The following DNAH1 variants were observed in gnomAD, a reference collection of about 807,000 sequenced individuals.
The protein encoded by DNAH1 is dynein axonemal heavy chain 1, also known as axonemal beta dynein heavy chain 1.
A neutral mutation model predicts 484.3 loss-of-function variants in DNAH1; 327 were observed. The observed-to-expected ratio is 0.68, with a 90% CI of 0.62 to 0.74. The LOEUF (loss-of-function observed/expected upper bound fraction) is 0.74. DNAH1 is among the 30% of genes least tolerant of loss of function. DNAH1 has a pLI of 0.00. For synonymous variants in DNAH1, 2,192 were observed against 2,191.9 expected, an observed-to-expected ratio of 1.00 and a Z score of 0.00; for missense variants, 5,052 against 5,546.8, an observed-to-expected ratio of 0.91 and a Z score of 2.83.
intron 75 of DNAH1, 32 bp downstream of exon 75, chr3:52,398,194 C>G (rs1195577992): frequency 6.3e-7 from 1 of 1,586,292 alleles, no homozygotes; most frequent in Non-Finnish European, 8.6e-7. Context: ...TGCCCCGAGT[C>G]AGCGGCCACT....
rs1008175467 is a variant in DNAH1, at chr3:52,338,116, T to A, written c.1286+5722T>A. On this transcript the variant is annotated intron_variant, in intron 8 of 77. Coordinates refer to ENST00000420323, the MANE Select transcript of DNAH1 (RefSeq NM_015512.5). The stretch of plus-strand genomic sequence containing the variant: ...GCTCTACTTAATTAATTAATTTATT[T>A]ATTTATTTTCGAGATGGAGTCTTGT... Among the ~76,000 whole-genome samples, 7 of 152,220 alleles carry A rather than the reference T, an allele frequency of 4.6e-5. No individual in the cohort carries two copies. The East Asian group carries it at 5.8e-4, about 13-fold the overall frequency.
In DNAH1 at chr3:52,361,886, T is replaced by C; in HGVS notation, c.4980+120T>C. 1 of 1,081,018 alleles carries C rather than the reference T, an allele frequency of 9.3e-7. No individual in the cohort carries two copies. Among genetic ancestry groups the C allele is most frequent in the South Asian group, 1.5e-5 (1 of 65,812 alleles). The allele number at this position is 1,081,018 out of a possible 1,614,324, so 67.0% of individuals were successfully genotyped here. A position where few individuals can be genotyped will look rare whatever the true frequency, so the allele number is the denominator to read the frequency against. On this transcript the variant is annotated intron_variant, in intron 30 of 77. Transcript: ENST00000420323. This position sits in a 1 kb window ranked among gnomAD's most constrained non-coding sequence, Gnocchi z 5.6. ...TCCACCCTGGGTCCAGCCTCTCTTG[T>C]CCCGGGGGCACACCCTAACCCCAGT...
chr3:52,336,909 C>T (rs552794305), intron 8 of DNAH1, among the ~76,000 whole-genome samples: 13 of 152,250 alleles, frequency 8.5e-5, no homozygotes, highest in African/African-American at 2.6e-4. Context: ...TTTGGCTATG[C>T]GGGCTCTTTT....
In DNAH1 at chr3:52,396,661, A is replaced by C. The variant is rs1212560932; in HGVS notation, c.11474A>C (p.His3825Pro). The change falls in exon 72 of 78, where the codon CAT becomes CCT. Residue 3825 changes from histidine (H) to proline (P), a missense_variant. His to Pro is a moderately conservative substitution (Grantham distance 77). Transcript: ENST00000420323. ...CTGCTGCTGTCTCTGTGCTTGTTCC[A>C]TGGGAACGCCCTGGAGCGCCGTAAG... ...KSLLLSLCLF[H>P]GNALERRKFG... The C allele has an allele frequency of 6.2e-7, 1 of 1,613,176 alleles. No homozygotes were observed. The highest frequency in any genetic ancestry group is 1.3e-5 in the African/African-American group (1 of 74,734).
In DNAH1 at chr3:52,399,027, G is replaced by A. The variant is rs755871676; in HGVS notation, c.12267G>A (p.Trp4089Ter). The change falls in exon 76 of 78, where the codon TGG becomes TGA. Residue 4089 changes from tryptophan (W) to a stop codon, truncating the protein, a stop_gained. Transcript: ENST00000420323. LOFTEE classifies it high-confidence loss of function. ...CATCGCTCAAGCCTCTGTCATCATG[G>A]GTCATGGACCTGCTGCAACGCCTGG... ...AYPSLKPLSSWVMDLLQRLDF... is the reference protein window; with the variant it reads ...AYPSLKPLSS 6.2e-7 allele frequency: 1 copy of A among 1,614,042 alleles called. No individual in the cohort carries two copies. Among genetic ancestry groups the A allele is most frequent in the African/African-American group, 1.3e-5 (1 of 75,050 alleles).
At chr3:52,399,436 T>C in intron 76 of DNAH1, 109 bp from the exon 77 acceptor site, 1 of 1,060,922 alleles carries the variant, frequency 9.4e-7, no homozygotes, top group Non-Finnish European at 1.4e-6. Flanking sequence ...TACGTGATGA[T>C]GGGCAGGCAG....
rs1703760043 is a variant in DNAH1 at position 52,379,800 on chromosome 3, G to C, written c.7378-105G>C. 4 of 1,010,610 alleles carry C rather than the reference G, an allele frequency of 4.0e-6. No individual in the cohort carries two copies. The highest frequency in any genetic ancestry group is 3.3e-5 in the African/African-American group (2 of 61,164). The allele number at this position is 1,010,610 out of a possible 1,614,324, so 62.6% of individuals were successfully genotyped here. On this transcript the variant is annotated intron_variant, in intron 47 of 77. Coordinates refer to ENST00000420323, the MANE Select transcript of DNAH1 (RefSeq NM_015512.5). This position sits in a 1 kb window ranked among gnomAD's most constrained non-coding sequence, Gnocchi z 4.4. ...GCCATGGTGGGAGAGCCAGGCTCCA[G>C]TCAGGGCCCCAGGAACTGGGGCCCA... is the stretch of plus-strand genomic sequence containing the variant.
chr3:52,363,730 GA>G (rs555737796), intron 32 of DNAH1, among the ~76,000 whole-genome samples: 1 of 152,142 alleles, frequency 6.6e-6, no homozygotes, highest in Non-Finnish European at 1.5e-5. Context: ...CATGATTTCA[GA>G]AAAAAATCCC....
In DNAH1 at chr3:52,366,723, C is replaced by T. The variant is rs762511509; in HGVS notation, c.5611-10C>T. 31 of 1,603,454 alleles carry T rather than the reference C, an allele frequency of 1.9e-5. No homozygotes were observed. The highest frequency in any genetic ancestry group is 8.9e-5 in the South Asian group (8 of 90,142). ...CTGGGAGCCTCACTCTCAGGCGGTC[C>T]GTCTCCCAGTGTTACAGAGTCCTGG... On this transcript the variant is annotated splice_polypyrimidine_tract_variant and intron_variant, in intron 35 of 77. Transcript: ENST00000420323.
Position 52,368,502 on chromosome 3 carries a change from T to G in DNAH1, c.5766-239T>G, listed in dbSNP as rs1453774437. Among the ~76,000 whole-genome samples the G allele has an allele frequency of 6.6e-6, 1 of 152,198 alleles. No individual in the cohort carries two copies. The highest frequency in any genetic ancestry group is 2.1e-4 in the South Asian group (1 of 4,818). On this transcript the variant is annotated intron_variant, in intron 36 of 77. Coordinates refer to ENST00000420323, the MANE Select transcript of DNAH1 (RefSeq NM_015512.5). This position sits in a 1 kb window ranked among gnomAD's most constrained non-coding sequence, Gnocchi z 4.4. ...TATTGCCTCCTCCCCTGCTCCCTTTTTCCTGTTGGGATTTCACCTTTAATG... is the reference window on the plus strand; with the variant it reads ...TATTGCCTCCTCCCCTGCTCCCTTTGTCCTGTTGGGATTTCACCTTTAATG...
intron 3 of DNAH1, among the ~76,000 whole-genome samples, chr3:52,325,752 G>A (rs555490910): frequency 1.3e-5 from 2 of 152,282 alleles, no homozygotes; most frequent in South Asian, 2.1e-4. Context: ...TGCTGAGGGG[G>A]CCTCTGCAGT....
At position 52,383,610 on chromosome 3, in the gene DNAH1, G is replaced by A. The variant is rs746220963; in HGVS notation, c.8150+16G>A. On this transcript the variant is annotated intron_variant, in intron 51 of 77. Coordinates refer to ENST00000420323, the MANE Select transcript of DNAH1 (RefSeq NM_015512.5). ...TGTGCATGAGGTACAGGCAGCTGTC[G>A]CCAGGCTGCGCTGGGGCAGCGGAGC... 6.5e-6 allele frequency: 10 copies of A among 1,547,472 alleles called. No individual in the cohort carries two copies. Among genetic ancestry groups the A allele is most frequent in the South Asian group, 3.6e-5 (3 of 84,456 alleles).
intron 6 of DNAH1, among the ~76,000 whole-genome samples, chr3:52,330,594 A>G (rs1211024008): frequency 6.6e-6 from 1 of 152,142 alleles, no homozygotes; most frequent in Non-Finnish European, 1.5e-5. Context: ...GTGGGAGGTA[A>G]GCTAGAGAAG....
intron 66 of DNAH1, among the ~76,000 whole-genome samples, chr3:52,393,880 C>T (rs1704502285): frequency 6.6e-6 from 1 of 152,216 alleles, no homozygotes; most frequent in African/African-American, 2.4e-5. Flanking sequence ...GCCTGGAAGA[C>T]AGAGCGATAT....
At chr3:52,382,194 G>T (rs1235144032) in intron 49 of DNAH1, 126 bp from the exon 50 acceptor site, 1 of 1,471,178 alleles carries the variant, frequency 6.8e-7, no homozygotes, top group Non-Finnish European at 9.3e-7. Context: ...GGGCCTGAAG[G>T]GTCTGCAGGT....
chr3:52,344,420 GC>G (rs1214718834), intron 8 of DNAH1, 69 bp from the exon 9 acceptor site: 2 of 1,567,044 alleles, frequency 1.3e-6, no homozygotes, highest in African/African-American at 2.7e-5. Context: ...CCAGAGCAGA[GC>G]TTGGGCCCCG....
In DNAH1 at chr3:52,327,984, C is replaced by G. The variant is rs1312668549; in HGVS notation, c.841C>G (p.Leu281Val). ...LDRKPVPGKA[L>V]LPTDDFLGHE... ...CAGGAAACCTGTCCCGGGAAAAGCC[C>G]TCTTGCCCACTGATGACTTCCTGGG... Residue 281 changes from leucine (L) to valine (V), a missense_variant, in exon 6 of 78, where the codon CTC (leucine) becomes GTC (valine). This residue lies in a region of DNAH1 where 1,263 missense variants were observed against 1,218.8 expected (regional missense o/e 1.04). Transcript: ENST00000420323. The G allele has an allele frequency of 6.2e-7, 1 of 1,613,936 alleles. No homozygotes were observed. Among genetic ancestry groups the G allele is most frequent in the East Asian group, 2.2e-5 (1 of 44,882 alleles).
At chr3:52,375,553 T>G in intron 45 of DNAH1, 140 bp downstream of exon 45, 1 of 903,860 alleles carries the variant, frequency 1.1e-6, no homozygotes, top group South Asian at 1.7e-5. Flanking sequence ...CTCACTCAGC[T>G]GTGTGATCTT....
rs1408719629 is a variant in DNAH1, at chr3:52,389,454, TCCCCAGGG to T, written c.9496-4_9499del. 6.2e-7 allele frequency: 1 copy of T among 1,611,340 alleles called. No individual in the cohort carries two copies. The highest frequency in any genetic ancestry group is 2.2e-5 in the East Asian group (1 of 44,810). On this transcript the variant is annotated splice_acceptor_variant and splice_polypyrimidine_tract_variant and coding_sequence_variant and intron_variant, in exon 60 of 78. Transcript: ENST00000420323. LOFTEE classifies it high-confidence loss of function. ...GTGGGGTGGTCCTGAGTCTGGCATC[TCCCCAGGG>T]CCAGTACCGCACGGTGCTCTACGAC...
Sources: allele counts gnomAD v4.1 joint callset (sites outside exome capture counted in the v4.1 genomes callset), GRCh38; gene constraint gnomAD v4.1.1; regional missense constraint gnomAD v4.1.1; non-coding constraint Gnocchi (gnomAD v3.1); transcripts MANE v1.5; gene names NCBI Gene and HGNC (gene_info 2026-07-23, HGNC 2026-07-21).